SCAI: variants seen among roughly 807,000 people sequenced by gnomAD.
SCAI encodes suppressor of cancer cell invasion.
Under a neutral mutation model 92.2 loss-of-function variants are expected in SCAI, and 24 were observed. The ratio of observed to expected loss-of-function variants is 0.26; its 90% confidence interval spans 0.19 to 0.37. The LOEUF (loss-of-function observed/expected upper bound fraction) is 0.37. Among genes scored for constraint, SCAI ranks in the 10% least tolerant of loss-of-function variants. The pLI, the probability that SCAI is intolerant of heterozygous loss-of-function variation, is 1.00. For missense variants in SCAI, 450 were observed against 736.2 expected (o/e 0.61, Z 4.50); for synonymous variants, 261 against 258.6 (o/e 1.01, Z -0.09).
At chr9:125,028,499 G>A in intron 4 of SCAI, 21 bp from the exon 5 acceptor site, 1 of 1,369,004 alleles carries the variant, frequency 7.3e-7, no homozygotes. Context: ...TAGGATACAA[G>A]AAAATAGAAA....
chr9:125,092,131 TAAAAAAAAAAAAAAAAA>T (rs71374225), intron 2 of SCAI, among the ~76,000 whole-genome samples: 23 of 61,104 alleles, frequency 3.8e-4, no homozygotes, highest in Admixed American at 7.1e-4. Flanking sequence ...CTCCGTCTCT[TAAAAAAAAAAAAAAAAA>T]AAAAAAAAAA....
intron 1 of SCAI, among the ~76,000 whole-genome samples, chr9:125,143,050 C>T (rs1835706197): frequency 6.6e-6 from 1 of 150,646 alleles, no homozygotes; most frequent in Non-Finnish European, 1.5e-5. Context: ...CGACCGTGCA[C>T]TGCCCCCTCC....
intron 9 of SCAI, 22 bp from the exon 10 acceptor site, chr9:125,003,592 A>C: frequency 6.8e-7 from 1 of 1,474,512 alleles, no homozygotes; most frequent in Non-Finnish European, 9.4e-7. Flanking sequence ...AAAAAAACAA[A>C]CACAACCTAG....
chr9:125,078,443 G>A (rs904832527), intron 2 of SCAI, among the ~76,000 whole-genome samples: 1 of 152,198 alleles, frequency 6.6e-6, no homozygotes, highest in South Asian at 2.1e-4. Context: ...CAGGAGAATC[G>A]CTTGAACCCA....
intron 2 of SCAI, among the ~76,000 whole-genome samples, chr9:125,113,272 A>T (rs1834965206): frequency 6.6e-6 from 1 of 152,222 alleles, no homozygotes; most frequent in South Asian, 2.1e-4. Context: ...ATGTGATGAG[A>T]AATGCATTTT....
At chr9:125,101,619 C>A (rs570012830) in intron 2 of SCAI, among the ~76,000 whole-genome samples, 1 of 152,288 alleles carries the variant, frequency 6.6e-6, no homozygotes, top group Admixed American at 6.5e-5. Context: ...AAATGCAGAA[C>A]AGGCAGCTGG....
At chr9:125,082,520 G>T (rs1834242099) in intron 2 of SCAI, among the ~76,000 whole-genome samples, 2 of 152,146 alleles carry the variant, frequency 1.3e-5, no homozygotes, top group South Asian at 4.1e-4. Context: ...CCCCAGAATG[G>T]TAGATACACT....
At chr9:125,024,567 AC>A (rs964140387) in intron 6 of SCAI, among the ~76,000 whole-genome samples, 4 of 151,940 alleles carry the variant, frequency 2.6e-5, no homozygotes, top group Admixed American at 6.6e-5. Context: ...GAGCCACTGT[AC>A]CCGGCCATTT....
At chr9:124,971,321 T>C in intron 17 of SCAI, 49 bp downstream of exon 17, 3 of 1,056,244 alleles carry the variant, frequency 2.8e-6, no homozygotes, top group Non-Finnish European at 4.3e-6. Context: ...ACATGGTTCT[T>C]AAATACCTAA....
chr9:125,138,275 G>A (rs1588257827), intron 2 of SCAI, among the ~76,000 whole-genome samples: 2 of 119,062 alleles, frequency 1.7e-5, no homozygotes, highest in Admixed American at 2.1e-4. Context: ...TTTTTTTGGA[G>A]ACAGAGTTTC....
At chr9:124,975,522 T>A in intron 15 of SCAI, 1 of 261,852 alleles carries the variant, frequency 3.8e-6, no homozygotes, top group Non-Finnish European at 7.9e-6. Flanking sequence ...AAAGACAAAT[T>A]ATTAAGGACA....
intron 9 of SCAI, among the ~76,000 whole-genome samples, chr9:125,008,979 A>C (rs1039407825): frequency 2.6e-5 from 4 of 152,212 alleles, no homozygotes; most frequent in Non-Finnish European, 5.9e-5. Flanking sequence ...CCTTAAGTGG[A>C]TATAATATGT....
intron 2 of SCAI, among the ~76,000 whole-genome samples, chr9:125,139,294 T>G (rs1224253220): frequency 6.6e-6 from 1 of 152,108 alleles, no homozygotes; most frequent in African/African-American, 2.4e-5. Context: ...ACATCTGTAG[T>G]CCCAGCTACT....
At chr9:125,115,083 CTT>C (rs1835011694) in intron 2 of SCAI, among the ~76,000 whole-genome samples, 1 of 151,960 alleles carries the variant, frequency 6.6e-6, no homozygotes, top group Non-Finnish European at 1.5e-5. Flanking sequence ...TAAAGAAACT[CTT>C]GAAGCAGCCG....
chr9:125,110,659 C>T (rs1834911975), intron 2 of SCAI, among the ~76,000 whole-genome samples: 1 of 152,164 alleles, frequency 6.6e-6, no homozygotes, highest in Non-Finnish European at 1.5e-5. Flanking sequence ...GACCTGCCTG[C>T]TTCTCCTTCA....
intron 2 of SCAI, among the ~76,000 whole-genome samples, chr9:125,139,665 T>G (rs190729666): frequency 1.3e-5 from 2 of 152,332 alleles, no homozygotes; most frequent in Admixed American, 6.5e-5. Context: ...TTTTTTTATA[T>G]GATTAGGCTA....
In SCAI at chr9:124,942,724, G is replaced by C. The variant is rs976238347; in HGVS notation, c.*10083C>G. 5 of 152,178 alleles carry C rather than the reference G, an allele frequency of 3.3e-5. No individual in the cohort carries two copies. Among genetic ancestry groups the C allele is most frequent in the African/African-American group, 7.2e-5 (3 of 41,434 alleles). 9.4% of individuals were successfully genotyped at this position (152,178 alleles called of 1,614,324 possible). On this transcript the variant is annotated 3_prime_UTR_variant, in exon 18 of 18. Coordinates refer to ENST00000336505, the MANE Select transcript of SCAI (RefSeq NM_001144877.3). Reference sequence around the variant, plus strand: ...TGATGAATGTAGACACATTCCTAGAGAACATTTATCAATGTGAAAATTTCT... The same window carrying C: ...TGATGAATGTAGACACATTCCTAGACAACATTTATCAATGTGAAAATTTCT...
intron 2 of SCAI, among the ~76,000 whole-genome samples, chr9:125,123,551 T>C (rs1381193127): frequency 6.6e-6 from 1 of 152,072 alleles, no homozygotes; most frequent in African/African-American, 2.4e-5. Context: ...CCGAGGCAGG[T>C]GGATCACGAG....
chr9:125,075,499 G>A (rs1358620044), intron 2 of SCAI, among the ~76,000 whole-genome samples: 1 of 150,974 alleles, frequency 6.6e-6, no homozygotes, highest in African/African-American at 2.4e-5. Context: ...CCAGGTTTAA[G>A]CAATTCTCCT....
Sources: allele counts gnomAD v4.1 joint callset (sites outside exome capture counted in the v4.1 genomes callset), GRCh38; gene constraint gnomAD v4.1.1; transcripts MANE v1.5; gene names NCBI Gene and HGNC (gene_info 2026-07-23, HGNC 2026-07-21).